The following IMMP2L variants were observed in gnomAD, a reference collection of about 807,000 sequenced individuals.
IMMP2L encodes inner mitochondrial membrane peptidase subunit 2.
A neutral mutation model predicts 19.3 loss-of-function variants in IMMP2L; 18 were observed. The ratio of observed to expected loss-of-function variants is 0.93; its 90% CI spans 0.64 to 1.38. IMMP2L has a LOEUF of 1.38. Ranked by LOEUF, IMMP2L falls within the 40% of genes most tolerant of loss-of-function variation. IMMP2L has a pLI of 0.00. For missense variants in IMMP2L, 233 were observed against 218.2 expected (o/e 1.07, Z -0.43); for synonymous variants, 76 against 73.0 (o/e 1.04, Z -0.21).
intron 5 of IMMP2L, among the ~76,000 whole-genome samples, chr7:110,866,391 C>A (rs1029635549): frequency 2.6e-5 from 4 of 151,636 alleles, no homozygotes; most frequent in Non-Finnish European, 5.9e-5. Flanking sequence ...AGGGAAGAGG[C>A]AAGCAGAAGG....
intron 3 of IMMP2L, among the ~76,000 whole-genome samples, chr7:111,428,457 A>T (rs1836303721): frequency 6.6e-6 from 1 of 151,818 alleles, no homozygotes; most frequent in African/African-American, 2.4e-5. Context: ...CCTTTACAAG[A>T]TGCTTCATAT....
chr7:111,548,204 A>G (rs1184759864), intron 1 of IMMP2L, among the ~76,000 whole-genome samples: 2 of 109,650 alleles, frequency 1.8e-5, no homozygotes, highest in African/African-American at 6.0e-5. Flanking sequence ...ATGACCTTCT[A>G]TGTGCTTGCT....
chr7:111,503,816 T>C (rs1437887494), intron 2 of IMMP2L, among the ~76,000 whole-genome samples: 1 of 152,134 alleles, frequency 6.6e-6, no homozygotes. Flanking sequence ...TGATGGGACG[T>C]ATCTCAAAAT....
intron 3 of IMMP2L, among the ~76,000 whole-genome samples, chr7:110,986,953 G>C (rs1340368437): frequency 6.6e-6 from 1 of 151,804 alleles, no homozygotes; most frequent in Non-Finnish European, 1.5e-5. Context: ...GTAAGATAAA[G>C]TCCTATATAA....
chr7:110,835,341 T>C (rs1047588681), intron 5 of IMMP2L, among the ~76,000 whole-genome samples: 15 of 152,132 alleles, frequency 9.9e-5, no homozygotes, highest in Non-Finnish European at 7.4e-5. Context: ...AGGCCAAAGG[T>C]CTGATCCACT....
At chr7:111,356,890 T>C (rs1828762250) in intron 3 of IMMP2L, among the ~76,000 whole-genome samples, 1 of 151,882 alleles carries the variant, frequency 6.6e-6, no homozygotes, top group African/African-American at 2.4e-5. Flanking sequence ...AGCCAGGCGT[T>C]GTGGTGGGTG....
At chr7:110,761,385 C>T (rs1798340942) in intron 5 of IMMP2L, among the ~76,000 whole-genome samples, 1 of 152,088 alleles carries the variant, frequency 6.6e-6, no homozygotes, top group Admixed American at 6.6e-5. Flanking sequence ...AACTCATCAA[C>T]CTAGATTCGA....
intron 3 of IMMP2L, among the ~76,000 whole-genome samples, chr7:111,022,379 T>C (rs1191058766): frequency 6.6e-6 from 1 of 152,176 alleles, no homozygotes; most frequent in Non-Finnish European, 1.5e-5. Flanking sequence ...AACCCCAGCT[T>C]AATGTTTGCT....
At chr7:110,934,714 G>C (rs529107665) in intron 4 of IMMP2L, among the ~76,000 whole-genome samples, 1 of 152,212 alleles carries the variant, frequency 6.6e-6, no homozygotes, top group African/African-American at 2.4e-5. Flanking sequence ...AGGATAGTTA[G>C]CTCTTCTTAT....
chr7:111,480,960 A>G (rs1477596634), intron 3 of IMMP2L, among the ~76,000 whole-genome samples: 1 of 152,126 alleles, frequency 6.6e-6, no homozygotes, highest in African/African-American at 2.4e-5. Context: ...CAAGACACAA[A>G]GCATCTTTCG....
intron 3 of IMMP2L, among the ~76,000 whole-genome samples, chr7:111,215,909 G>A (rs560189942): frequency 6.6e-6 from 1 of 152,104 alleles, no homozygotes; most frequent in South Asian, 2.1e-4. Context: ...TTCCCTCTCA[G>A]CTAAAATTTT....
At chr7:110,963,656 A>G in intron 3 of IMMP2L, 91 bp from the exon 4 acceptor site, 1 of 716,928 alleles carries the variant, frequency 1.4e-6, no homozygotes, top group Non-Finnish European at 2.2e-6. Context: ...AGGCTATATT[A>G]AAGTCTTTAC....
chr7:111,025,125 G>A (rs1417839215), intron 3 of IMMP2L, among the ~76,000 whole-genome samples: 4 of 152,004 alleles, frequency 2.6e-5, no homozygotes, highest in African/African-American at 9.7e-5. Flanking sequence ...AAATATGTCA[G>A]TTATACCACT....
chr7:111,055,207 G>A (rs1470575852), intron 3 of IMMP2L, among the ~76,000 whole-genome samples: 2 of 152,028 alleles, frequency 1.3e-5, no homozygotes, highest in African/African-American at 2.4e-5. Context: ...GAGCCACCAC[G>A]TCCACTTTTT....
intron 5 of IMMP2L, among the ~76,000 whole-genome samples, chr7:110,816,934 C>T (rs1024088694): frequency 1.3e-4 from 20 of 152,014 alleles, no homozygotes; most frequent in Non-Finnish European, 5.9e-5. Context: ...TGCCAGACTG[C>T]GTCTTTTAAT....
At chr7:110,841,435 T>C (rs947336496) in intron 5 of IMMP2L, among the ~76,000 whole-genome samples, 6 of 152,062 alleles carry the variant, frequency 3.9e-5, no homozygotes, top group Non-Finnish European at 5.9e-5. Flanking sequence ...AAATTAATGA[T>C]AGATGACAAA....
At chr7:111,016,826 T>C (rs1163015480) in intron 3 of IMMP2L, among the ~76,000 whole-genome samples, 1 of 66,680 alleles carries the variant, frequency 1.5e-5, no homozygotes, top group Non-Finnish European at 2.6e-5. Context: ...TTATATATAA[T>C]ATATAGTATA....
intron 3 of IMMP2L, among the ~76,000 whole-genome samples, chr7:111,402,324 C>T (rs1234435693): frequency 3.3e-5 from 5 of 151,932 alleles, no homozygotes; most frequent in African/African-American, 1.2e-4. Context: ...CCTTATTCAT[C>T]TCTATAGATT....
At chr7:111,465,008 G>A (rs971181779) in intron 3 of IMMP2L, among the ~76,000 whole-genome samples, 1 of 152,022 alleles carries the variant, frequency 6.6e-6, no homozygotes, top group Non-Finnish European at 1.5e-5. Flanking sequence ...TAGCCAGGAT[G>A]GTCTCAATCA....
Sources: gnomAD v4.1 joint callset for allele counts (sites outside exome capture counted in the v4.1 genomes callset) on GRCh38, gnomAD v4.1.1 for gene constraint, MANE v1.5 for transcripts, NCBI Gene and HGNC (gene_info 2026-07-23, HGNC 2026-07-21) for gene names.